Variants in RTN4RL1 observed in about 807,000 individuals in gnomAD.
RTN4RL1 encodes reticulon-4 receptor-like 1.
Under a neutral mutation model 25.6 loss-of-function variants are expected in RTN4RL1, and 7 were observed. The observed-to-expected ratio is 0.27, with a 90% CI of 0.16 to 0.51. RTN4RL1 has a LOEUF of 0.51. Ranked by LOEUF, RTN4RL1 falls within the 20% of genes least tolerant of loss-of-function variation. The pLI is 0.97. For synonymous variants in RTN4RL1, 297 were observed against 288.2 expected, an observed-to-expected ratio of 1.03 and a Z score of -0.31; for missense variants, 500 against 615.6, an observed-to-expected ratio of 0.81 and a Z score of 1.99.
intron 1 of RTN4RL1, among the ~76,000 whole-genome samples, chr17:1,941,514 G>C (rs1445333048): frequency 2.0e-5 from 3 of 152,150 alleles, no homozygotes; most frequent in Non-Finnish European, 2.9e-5. Flanking sequence ...GCCTGGGGCG[G>C]GGGCCGGGCA....
At chr17:1,941,916 C>A (rs1005770823) in intron 1 of RTN4RL1, among the ~76,000 whole-genome samples, 1 of 152,200 alleles carries the variant, frequency 6.6e-6, no homozygotes, top group Non-Finnish European at 1.5e-5. Flanking sequence ...TCCTCTCATG[C>A]CCCTCCATGC....
intron 1 of RTN4RL1, among the ~76,000 whole-genome samples, chr17:1,991,725 T>C (rs76145330): frequency 0.049 from 7,471 of 152,140 alleles, 495 homozygotes; most frequent in African/African-American, 0.15. Flanking sequence ...GAGTCACCCA[T>C]TCCTCGCAGC....
intron 1 of RTN4RL1, among the ~76,000 whole-genome samples, chr17:1,963,884 C>T (rs971708147): frequency 2.6e-5 from 4 of 152,150 alleles, no homozygotes; most frequent in African/African-American, 7.2e-5. Flanking sequence ...GGCGCCACCA[C>T]GCCCGGCTCA....
At chr17:1,987,980 C>G (rs930739255) in intron 1 of RTN4RL1, among the ~76,000 whole-genome samples, 8 of 152,018 alleles carry the variant, frequency 5.3e-5, no homozygotes, top group African/African-American at 1.9e-4. Flanking sequence ...GTGGCACACA[C>G]CTGTAATCCC....
At chr17:1,999,866 C>T (rs935598170) in intron 1 of RTN4RL1, among the ~76,000 whole-genome samples, 1 of 152,258 alleles carries the variant, frequency 6.6e-6, no homozygotes, top group Admixed American at 6.5e-5. Context: ...ACGGCCTTGC[C>T]TCTTCTCGCC....
chr17:1,997,675 A>G (rs1383486134), intron 1 of RTN4RL1, among the ~76,000 whole-genome samples: 1 of 152,204 alleles, frequency 6.6e-6, no homozygotes, highest in Non-Finnish European at 1.5e-5. Flanking sequence ...ACTCCAAGGT[A>G]CAGGAACACC....
intron 1 of RTN4RL1, among the ~76,000 whole-genome samples, chr17:2,022,805 C>A (rs1335881504): frequency 6.6e-6 from 1 of 152,252 alleles, no homozygotes; most frequent in East Asian, 1.9e-4. Flanking sequence ...TCGGTGGAAC[C>A]TCTTCAGCCA....
At chr17:2,006,950 G>A (rs559130134) in intron 1 of RTN4RL1, among the ~76,000 whole-genome samples, 24 of 152,038 alleles carry the variant, frequency 1.6e-4, no homozygotes, top group Admixed American at 3.9e-4. Flanking sequence ...TGTGCTCAGC[G>A]GAGCAGAGGT....
intron 1 of RTN4RL1, chr17:2,003,484 G>A (rs5013096): frequency 0.29 from 44,741 of 152,002 alleles, 7,052 homozygotes; most frequent in East Asian, 0.48. Context: ...CAGCAGCAGC[G>A]GCTCCGGGAG....
intron 1 of RTN4RL1, among the ~76,000 whole-genome samples, chr17:1,945,498 G>A (rs564093801): frequency 8.5e-5 from 13 of 152,054 alleles, no homozygotes; most frequent in Admixed American, 7.9e-4. Context: ...GGGATTACAG[G>A]TGTGAGCCAC....
At chr17:1,941,006 C>T (rs924765471) in intron 1 of RTN4RL1, among the ~76,000 whole-genome samples, 4 of 152,160 alleles carry the variant, frequency 2.6e-5, no homozygotes, top group African/African-American at 4.8e-5. Flanking sequence ...GATATGTGTC[C>T]GGCTCAGCGC....
At chr17:1,944,919 C>T (rs937127393) in intron 1 of RTN4RL1, among the ~76,000 whole-genome samples, 2 of 152,234 alleles carry the variant, frequency 1.3e-5, no homozygotes, top group Non-Finnish European at 2.9e-5. Flanking sequence ...GGAGATCCAG[C>T]ACCCCTCTGT....
chr17:1,953,026 G>A (rs61536396), intron 1 of RTN4RL1, among the ~76,000 whole-genome samples: 4,152 of 151,514 alleles, frequency 0.027, 184 homozygotes, highest in African/African-American at 0.094. Flanking sequence ...GTAGTGAGCC[G>A]AGATTGTGCC....
intron 1 of RTN4RL1, among the ~76,000 whole-genome samples, chr17:2,013,378 A>C (rs2067074440): frequency 6.6e-6 from 1 of 152,206 alleles, no homozygotes; most frequent in Non-Finnish European, 1.5e-5. Context: ...GGCTTTGACC[A>C]TTTCGGCACA....
chr17:1,945,643 G>A (rs190592366), intron 1 of RTN4RL1, among the ~76,000 whole-genome samples: 25 of 152,298 alleles, frequency 1.6e-4, no homozygotes, highest in African/African-American at 4.8e-4. Context: ...GAGCCACCAC[G>A]CCCGGCCGCC....
intron 1 of RTN4RL1, 87 bp downstream of exon 1, chr17:2,024,766 G>C (rs915707400): frequency 1.8e-5 from 25 of 1,390,722 alleles, no homozygotes; most frequent in Non-Finnish European, 2.0e-5. Flanking sequence ...TTCCCAGACC[G>C]GGAGCCCCGG....
intron 1 of RTN4RL1, among the ~76,000 whole-genome samples, chr17:1,945,590 A>G (rs1293561727): frequency 1.5e-4 from 23 of 151,894 alleles, no homozygotes. Flanking sequence ...GCCTCAAGCA[A>G]TCCTCCCACC....
intron 1 of RTN4RL1, among the ~76,000 whole-genome samples, chr17:1,986,231 C>T (rs188191952): frequency 5.3e-4 from 80 of 152,140 alleles, no homozygotes; most frequent in Non-Finnish European, 1.0e-3. Flanking sequence ...GTGAAGGACT[C>T]GGTGAGGATT....
rs755191284 is a variant in RTN4RL1 at position 1,936,890 on chromosome 17, T to G, written c.932A>C (p.His311Pro). 1.2e-6 allele frequency: 2 copies of G among 1,606,112 alleles called. No homozygotes were observed. The highest frequency in any genetic ancestry group is 1.7e-6 in the Non-Finnish European group (2 of 1,176,528). The change falls in exon 2 of 2, where the codon CAC becomes CCC. Residue 311 changes from histidine (H) to proline (P), a missense_variant. This residue lies in a region of RTN4RL1 where 268 missense variants were observed against 274.5 expected (regional missense o/e 0.98). Coordinates refer to ENST00000331238, the MANE Select transcript of RTN4RL1 (RefSeq NM_178568.4). The stretch of plus-strand genomic sequence containing the variant: ...GGTGAGCGTGTGTGACTTGATCTGG[T>G]GCGGGGACGCTGGTCCCGTGCAGTT... ...FRNCTGPASP[H>P]QIKSHTLTTT...
Sources: gnomAD v4.1 joint callset for allele counts (sites outside exome capture counted in the v4.1 genomes callset) on GRCh38, gnomAD v4.1.1 for gene constraint, gnomAD v4.1.1 regional missense constraint, MANE v1.5 for transcripts, NCBI Gene and HGNC (gene_info 2026-07-23, HGNC 2026-07-21) for gene names.